The following TRPM7 variants were observed in gnomAD, a reference collection of about 807,000 sequenced individuals.
The protein encoded by TRPM7 is LTRPC ion channel family member 7.
Under a neutral mutation model 229.7 loss-of-function variants are expected in TRPM7, and 134 were observed. That is an observed-to-expected ratio of 0.58 (90% CI 0.51 to 0.67). The LOEUF (loss-of-function observed/expected upper bound fraction) is 0.67. Ranked by LOEUF, TRPM7 falls within the 30% of genes least tolerant of loss-of-function variation. The pLI is 0.00. For missense variants in TRPM7, 1,901 were observed against 2,210.0 expected, an observed-to-expected ratio of 0.86 and a Z score of 2.80; for synonymous variants, 699 against 715.2, an observed-to-expected ratio of 0.98 and a Z score of 0.36.
chr15:50,592,335 G>A lies in TRPM7; in HGVS notation c.3900C>T (p.Ser1300=). ...TTTCAAGATCACCTTGAGGAAGAGA[G>A]GAGCTAAGTGTATTTACAACACCAT... ...KKHGVVNTLS[S]SLPQGDLESN... Residue 1300 remains serine, a synonymous_variant, in exon 26 of 39, where the codon TCC becomes TCT. Transcript: ENST00000646667. 4 of 1,613,980 alleles carry A rather than the reference G, an allele frequency of 2.5e-6. No homozygotes were observed. Among genetic ancestry groups the A allele is most frequent in the South Asian group, 2.2e-5 (2 of 91,070 alleles).
chr15:50,593,416 C>T (rs1200616936), intron 25 of TRPM7, among the ~76,000 whole-genome samples: 2 of 152,034 alleles, frequency 1.3e-5, no homozygotes, highest in African/African-American at 4.8e-5. Flanking sequence ...TCTTCTGTAA[C>T]TAGGGTAAAA....
intron 2 of TRPM7, among the ~76,000 whole-genome samples, chr15:50,658,927 A>G (rs11855889): frequency 0.54 from 82,039 of 152,096 alleles, 22,365 homozygotes; most frequent in Admixed American, 0.62. Flanking sequence ...GGCCAGGCGC[A>G]GTGGCTCACG....
intron 27 of TRPM7, among the ~76,000 whole-genome samples, chr15:50,587,325 C>T (rs2059369319): frequency 6.6e-6 from 1 of 150,628 alleles, no homozygotes; most frequent in African/African-American, 2.4e-5. Flanking sequence ...GTACTTAAAT[C>T]TCTACATTTT....
intron 32 of TRPM7, 31 bp from the exon 33 acceptor site, chr15:50,575,820 T>A (rs772270755): frequency 6.2e-7 from 1 of 1,612,466 alleles, no homozygotes; most frequent in African/African-American, 1.3e-5. Context: ...AATAATTAAA[T>A]CTGTAAAGGT....
intron 1 of TRPM7, among the ~76,000 whole-genome samples, chr15:50,668,590 C>T (rs954302238): frequency 5.3e-5 from 8 of 152,222 alleles, no homozygotes; most frequent in South Asian, 2.1e-4. Context: ...TTACTGCTAA[C>T]TCTGCCTCCG....
chr15:50,594,375 G>A, intron 24 of TRPM7, 54 bp downstream of exon 24: 2 of 1,419,462 alleles, frequency 1.4e-6, no homozygotes, highest in Non-Finnish European at 1.9e-6. Context: ...AGCCTTTGGT[G>A]TAAAAATGAG....
At chr15:50,617,949 A>T (rs1448042890) in intron 13 of TRPM7, among the ~76,000 whole-genome samples, 2 of 152,198 alleles carry the variant, frequency 1.3e-5, no homozygotes, top group Non-Finnish European at 2.9e-5. Context: ...ATGAGCCACC[A>T]GCCCTGGCCT....
Position 50,558,553 on chromosome 15 carries a change from CATT to C in TRPM7, c.*3122_*3124del, listed in dbSNP as rs2053204715. 1 of 151,944 alleles carries C rather than the reference CATT, an allele frequency of 6.6e-6. No individual in the cohort carries two copies. The highest frequency in any genetic ancestry group is 6.6e-5 in the Admixed American group (1 of 15,226). 9.4% of individuals were successfully genotyped at this position (151,944 alleles called of 1,614,324 possible). A position where few individuals can be genotyped will look rare whatever the true frequency, so the allele number is the denominator to read the frequency against. ...ACGAAAAATACAAAAATCAGCCAGG[CATT>C]ATGGTGGGTACCTGTAATCTCAGCT... On this transcript the variant is annotated 3_prime_UTR_variant, in exon 39 of 39. Transcript: ENST00000646667.
chr15:50,631,047 T>G (rs925349872), intron 10 of TRPM7, among the ~76,000 whole-genome samples: 1 of 152,114 alleles, frequency 6.6e-6, no homozygotes, highest in African/African-American at 2.4e-5. Flanking sequence ...AGGCTGGTCT[T>G]GAACTCCTGG....
intron 6 of TRPM7, among the ~76,000 whole-genome samples, chr15:50,638,780 G>C (rs2061000956): frequency 6.6e-6 from 1 of 152,108 alleles, no homozygotes; most frequent in Admixed American, 6.6e-5. Context: ...CTGCCTTCCA[G>C]TTTCAAGCAA....
At chr15:50,618,976 G>T (rs1213070108) in intron 13 of TRPM7, among the ~76,000 whole-genome samples, 1 of 152,112 alleles carries the variant, frequency 6.6e-6, no homozygotes, top group African/African-American at 2.4e-5. Flanking sequence ...AGAAATACTA[G>T]ATTTTTTTTT....
At chr15:50,638,995 C>T (rs1463497604) in intron 6 of TRPM7, among the ~76,000 whole-genome samples, 1 of 152,130 alleles carries the variant, frequency 6.6e-6, no homozygotes, top group Admixed American at 6.6e-5. Context: ...TTCTTTTTAA[C>T]AGTGTTGATA....
intron 1 of TRPM7, among the ~76,000 whole-genome samples, chr15:50,679,166 C>T (rs1321033842): frequency 7.3e-6 from 1 of 136,234 alleles, no homozygotes; most frequent in African/African-American, 3.0e-5. Flanking sequence ...ACCACCGCAC[C>T]CAGTCAAAAA....
At chr15:50,660,789 A>G (rs1187950885) in intron 2 of TRPM7, among the ~76,000 whole-genome samples, 1 of 152,232 alleles carries the variant, frequency 6.6e-6, no homozygotes, top group Non-Finnish European at 1.5e-5. Flanking sequence ...ATACTTTTCA[A>G]AAGATTCTGG....
At position 50,561,819 on chromosome 15, in the gene TRPM7, C is replaced by A; in HGVS notation, c.5468-11G>T. ...CATTCCTCTTCAGATCTACATTGAACACCCACAACAATTAAAAAAAAAAAA... is the reference window on the plus strand; with the variant it reads ...CATTCCTCTTCAGATCTACATTGAAAACCCACAACAATTAAAAAAAAAAAA... On this transcript the variant is annotated splice_polypyrimidine_tract_variant and intron_variant, in intron 38 of 38. Transcript: ENST00000646667. The A allele has an allele frequency of 6.6e-7, 1 of 1,509,958 alleles. No individual in the cohort carries two copies. 93.5% of individuals were successfully genotyped at this position (1,509,958 alleles called of 1,614,324 possible). A position where few individuals can be genotyped will look rare whatever the true frequency, so the allele number is the denominator to read the frequency against.
intron 1 of TRPM7, among the ~76,000 whole-genome samples, chr15:50,673,364 C>G (rs2062030657): frequency 1.3e-5 from 2 of 152,100 alleles, no homozygotes; most frequent in Admixed American, 6.6e-5. Flanking sequence ...TTGGTGCACC[C>G]ATTGCCCGAC....
chr15:50,606,793 C>T (rs766802762), intron 20 of TRPM7, among the ~76,000 whole-genome samples: 1 of 152,212 alleles, frequency 6.6e-6, no homozygotes, highest in Non-Finnish European at 1.5e-5. Context: ...GCCACCGCGC[C>T]TGGCCTAAAG....
At chr15:50,673,666 C>T in intron 1 of TRPM7, among the ~76,000 whole-genome samples, 1 of 152,060 alleles carries the variant, frequency 6.6e-6, no homozygotes, top group East Asian at 1.9e-4. Flanking sequence ...GTTTCTTTAT[C>T]CACTCGTTGA....
chr15:50,578,553 T>C (rs2054247583), intron 31 of TRPM7, 86 bp downstream of exon 31: 1 of 1,368,240 alleles, frequency 7.3e-7, no homozygotes, highest in Non-Finnish European at 1.0e-6. Flanking sequence ...GTCTAAAATA[T>C]CTTACCTAGA....
Sources: gnomAD v4.1 joint callset for allele counts (sites outside exome capture counted in the v4.1 genomes callset) on GRCh38, gnomAD v4.1.1 for gene constraint, MANE v1.5 for transcripts, NCBI Gene and HGNC (gene_info 2026-07-23, HGNC 2026-07-21) for gene names.